MYO1F: variants seen among roughly 807,000 people sequenced by gnomAD.
MYO1F encodes unconventional myosin-If.
A neutral mutation model predicts 146.6 loss-of-function variants in MYO1F; 60 were observed. That is an observed-to-expected ratio of 0.41 (90% CI 0.33 to 0.51). The LOEUF (loss-of-function observed/expected upper bound fraction) is 0.51, where lower values mean the gene tolerates loss of function less well. Ranked by LOEUF, MYO1F falls within the 20% of genes least tolerant of loss-of-function variation. The pLI, the probability that MYO1F is intolerant of heterozygous loss-of-function variation, is 0.25. For synonymous variants in MYO1F, 602 were observed against 602.1 expected (o/e 1.00, Z 0.00); for missense variants, 1,274 against 1,534.3 (o/e 0.83, Z 2.83).
chr19:8,525,388 GTGTT>G, intron 25 of MYO1F, 87 bp downstream of exon 25: 2 of 1,086,050 alleles, frequency 1.8e-6, no homozygotes, highest in Non-Finnish European at 2.8e-6. Context: ...GTGGTAAACT[GTGTT>G]TGTTAGATTT....
At position 8,521,521 on chromosome 19, in the gene MYO1F, G is replaced by T; in HGVS notation, c.*7C>A. 2 of 1,613,694 alleles carry T rather than the reference G, an allele frequency of 1.2e-6. No homozygotes were observed. The highest frequency in any genetic ancestry group is 1.7e-6 in the Non-Finnish European group (2 of 1,179,836). On this transcript the variant is annotated 3_prime_UTR_variant, in exon 28 of 28. Coordinates refer to ENST00000644032, the MANE Select transcript of MYO1F (RefSeq NM_012335.4). ...GCGAAAGAGAAGGCAGTATCCCAGG[G>T]CCCAGCTCAGATCTTCTCCACGTAG...
intron 1 of MYO1F, among the ~76,000 whole-genome samples, chr19:8,575,699 CCAGA>C (rs1280175934): frequency 6.6e-6 from 1 of 151,442 alleles, no homozygotes; most frequent in Non-Finnish European, 1.5e-5. Context: ...TTCAGCATCC[CCAGA>C]CAGAGGTGGG....
chr19:8,525,922 C>T (rs1249652774), intron 24 of MYO1F, among the ~76,000 whole-genome samples: 3 of 152,156 alleles, frequency 2.0e-5, no homozygotes, highest in Admixed American at 2.0e-4. Context: ...TTGCTGTTGC[C>T]CTCTCTGGTC....
At chr19:8,563,294 C>CTTTTT (rs938198498) in intron 1 of MYO1F, among the ~76,000 whole-genome samples, 1 of 118,654 alleles carries the variant, frequency 8.4e-6, no homozygotes, top group Admixed American at 8.9e-5. Flanking sequence ...TGCTTGGCCA[C>CTTTTT]TTTTTTTTTT....
chr19:8,525,637 C>G (rs1013374005), intron 24 of MYO1F, 75 bp from the exon 25 acceptor site: 2 of 1,309,224 alleles, frequency 1.5e-6, no homozygotes, highest in Non-Finnish European at 2.2e-6. Context: ...CTAGTCCATT[C>G]TGAGGCTCCG....
chr19:8,554,714 T>C lies in MYO1F; in HGVS notation c.171A>G (p.Val57=). 6.2e-7 allele frequency: 1 copy of C among 1,613,824 alleles called. No individual in the cohort carries two copies. The highest frequency in any genetic ancestry group is 8.5e-7 in the Non-Finnish European group (1 of 1,179,944). ...FTYIGSVLIS[V]NPFKQMPYFT... ...AGTAGGGCATCTGCTTGAAGGGGTT[T>C]ACAGAGATGAGCACAGAGCCGATGT... The change falls in exon 3 of 28, where the codon GTA becomes GTG. Residue 57 remains valine (V), a synonymous_variant. Transcript: ENST00000644032.
intron 1 of MYO1F, among the ~76,000 whole-genome samples, chr19:8,557,919 T>C (rs573032298): frequency 1.3e-5 from 2 of 152,236 alleles, no homozygotes; most frequent in South Asian, 4.1e-4. Context: ...TCCTCTTCTC[T>C]TGTGGTCACA....
intron 21 of MYO1F, among the ~76,000 whole-genome samples, chr19:8,527,953 A>G (rs113482980): frequency 0.018 from 2,676 of 152,258 alleles, 33 homozygotes; most frequent in African/African-American, 0.037. Context: ...GCTGGGTGCC[A>G]TGGCTCACGC....
chr19:8,568,000 G>A (rs1337827549), intron 1 of MYO1F, among the ~76,000 whole-genome samples: 1 of 152,204 alleles, frequency 6.6e-6, no homozygotes, highest in African/African-American at 2.4e-5. Context: ...TGACGACTTG[G>A]TTCCTCTTCC....
At chr19:8,574,132 A>G (rs543384131) in intron 1 of MYO1F, among the ~76,000 whole-genome samples, 7 of 152,222 alleles carry the variant, frequency 4.6e-5, no homozygotes, top group African/African-American at 1.7e-4. Flanking sequence ...CCAGCTGAAA[A>G]CAATCCACCA....
At chr19:8,545,962 C>T (rs1260792642) in intron 12 of MYO1F, among the ~76,000 whole-genome samples, 2 of 151,912 alleles carry the variant, frequency 1.3e-5, no homozygotes, top group Non-Finnish European at 1.5e-5. Context: ...CCAGCTCCCT[C>T]GCTTCTCCGC....
At position 8,550,268 on chromosome 19, in the gene MYO1F, G is replaced by A. The variant is rs34507143; in HGVS notation, c.993C>T (p.Gly331=). 3,369 of 1,614,146 alleles carry A rather than the reference G, an allele frequency of 2.1e-3. 55 individuals are homozygous for A. The African/African-American group carries it at 0.032, about 15-fold the overall frequency. ...LTSRKMDSRW[G]GRSESINVTL... Reference sequence around the variant, plus strand: ...TCACATTGATGGACTCGCTGCGCCCGCCCCAGCGGCTGTCCATCTTGCGGC... The same window carrying A: ...TCACATTGATGGACTCGCTGCGCCCACCCCAGCGGCTGTCCATCTTGCGGC... Residue 331 remains glycine, a synonymous_variant, in exon 10 of 28, where the codon GGC becomes GGT. Coordinates refer to ENST00000644032, the MANE Select transcript of MYO1F (RefSeq NM_012335.4).
intron 1 of MYO1F, among the ~76,000 whole-genome samples, chr19:8,563,294 CTTTTTTTTTT>C (rs938198498): frequency 1.7e-5 from 2 of 118,630 alleles, no homozygotes; most frequent in South Asian, 5.5e-4. Context: ...TGCTTGGCCA[CTTTTTTTTTT>C]TTTTTTTTTT....
In MYO1F at chr19:8,521,543, G is replaced by T; in HGVS notation, c.3282C>A (p.Tyr1094Ter). 6.2e-7 allele frequency: 1 copy of T among 1,614,164 alleles called. No homozygotes were observed. The highest frequency in any genetic ancestry group is 8.5e-7 in the Non-Finnish European group (1 of 1,180,010). Residue 1094 changes from tyrosine to a stop codon, truncating the protein, a stop_gained, in exon 28 of 28, where the codon TAC (tyrosine) becomes TAA (stop). Coordinates refer to ENST00000644032, the MANE Select transcript of MYO1F (RefSeq NM_012335.4). LOFTEE classifies it high-confidence loss of function. ...HGQEGLFPGNYVEKI is the reference protein window; with the variant it reads ...HGQEGLFPGN ...AGGGCCCAGCTCAGATCTTCTCCAC[G>T]TAGTTTCCTGGGAAAAGGCCCTCCT...
rs768377216 is a variant in MYO1F, at chr19:8,567,058, AT to A, written c.3+10248del. On this transcript the variant is annotated intron_variant, in intron 1 of 27. Transcript: ENST00000644032. ...GAGGTTAGTCCTATCACTGGGTCCAATTTTTTTTTTTTTTTTTTTTTGAGAT... is the reference window on the plus strand; with the variant it reads ...GAGGTTAGTCCTATCACTGGGTCCAATTTTTTTTTTTTTTTTTTTTGAGAT... 7.6e-3 allele frequency among the ~76,000 whole-genome samples: 965 copies of A among 127,686 alleles called. 2 individuals carry two copies. The highest frequency in any genetic ancestry group is 0.014 in the African/African-American group (472 of 33,636). The allele number at this position is 127,686 out of a possible 152,430, so 83.8% of individuals were successfully genotyped here. A position where few individuals can be genotyped will look rare whatever the true frequency, so the allele number is the denominator to read the frequency against.
intron 21 of MYO1F, among the ~76,000 whole-genome samples, chr19:8,529,440 C>G (rs1422591819): frequency 1.3e-5 from 2 of 151,984 alleles, no homozygotes; most frequent in Non-Finnish European, 2.9e-5. Flanking sequence ...GAGGATGTGT[C>G]TGTTGGTGGA....
intron 1 of MYO1F, among the ~76,000 whole-genome samples, chr19:8,575,496 C>T (rs1397751141): frequency 2.0e-5 from 3 of 151,960 alleles, no homozygotes; most frequent in East Asian, 1.9e-4. Context: ...AGGTGGAGCT[C>T]GGGCTTGCTT....
At chr19:8,563,775 G>T (rs1359429115) in intron 1 of MYO1F, among the ~76,000 whole-genome samples, 2 of 151,964 alleles carry the variant, frequency 1.3e-5, no homozygotes, top group African/African-American at 4.8e-5. Flanking sequence ...GCCTCCCAAA[G>T]TGCTGGGATT....
Position 8,527,457 on chromosome 19 carries a change from C to A in MYO1F, c.2355G>T (p.Thr785=). The change falls in exon 22 of 28, where the codon ACG becomes ACT. Residue 785 remains threonine, a synonymous_variant. Coordinates refer to ENST00000644032, the MANE Select transcript of MYO1F (RefSeq NM_012335.4). ...GCCCAATCACATACACACACTTGGG[C>A]GTCAGGATCAAGTCCCGCTTGATGG... ...FKPIKRDLIL[T]PKCVYVIGRE... is the part of the protein sequence containing the mutation. The A allele has an allele frequency of 6.2e-7, 1 of 1,614,018 alleles. No individual in the cohort carries two copies. The highest frequency in any genetic ancestry group is 8.5e-7 in the Non-Finnish European group (1 of 1,179,998).
Sources: allele counts gnomAD v4.1 joint callset (sites outside exome capture counted in the v4.1 genomes callset), GRCh38; gene constraint gnomAD v4.1.1; transcripts MANE v1.5; gene names NCBI Gene and HGNC (gene_info 2026-07-23, HGNC 2026-07-21).